The following CEP126 variants were observed in gnomAD, a reference collection of about 807,000 sequenced individuals.
CEP126 encodes the protein centrosomal protein of 126 kDa.
CEP126 carries 74 observed loss-of-function variants against 107.8 expected under a neutral mutation model. The observed-to-expected ratio is 0.69, with a 90% CI of 0.57 to 0.83. The LOEUF is 0.83. Among genes scored for constraint, CEP126 ranks in the 40% least tolerant of loss-of-function variants. The pLI is 0.00. For missense variants in CEP126, 1,237 were observed against 1,281.9 expected (o/e 0.96, Z 0.53); for synonymous variants, 449 against 446.0 (o/e 1.01, Z -0.08).
Position 101,962,166 on chromosome 11 carries a change from T to G in CEP126, c.1131T>G (p.Phe377Leu). Residue 377 changes from phenylalanine (F) to leucine (L), a missense_variant, in exon 6 of 11, where the codon TTT (phenylalanine) becomes TTG (leucine). Coordinates refer to ENST00000263468, the MANE Select transcript of CEP126 (RefSeq NM_020802.4). ...CCTTTGTATCTAGCCCACCCATGTT[T>G]GTACTAGATAAAAAATGTGAAAAGA... Reference protein sequence around the residue: ...SVPFVSSPPMFVLDKKCEKTS... With the variant: ...SVPFVSSPPMLVLDKKCEKTS... 1 of 1,613,764 alleles carries G rather than the reference T, an allele frequency of 6.2e-7. No homozygotes were observed. Among genetic ancestry groups the G allele is most frequent in the Non-Finnish European group, 8.5e-7 (1 of 1,179,822 alleles).
intron 4 of CEP126, 141 bp from the exon 5 acceptor site, chr11:101,958,027 T>G: frequency 1.4e-6 from 1 of 716,924 alleles, no homozygotes; most frequent in Non-Finnish European, 2.3e-6. Context: ...TTCTAACATG[T>G]CTATATATTT....
At chr11:101,966,540 C>T (rs1473802125) in intron 6 of CEP126, among the ~76,000 whole-genome samples, 2 of 152,162 alleles carry the variant, frequency 1.3e-5, no homozygotes, top group Non-Finnish European at 2.9e-5. Context: ...CTGATGTCTC[C>T]AGTTATTTCC....
chr11:101,916,057 AGAG>A (rs1351976256), intron 1 of CEP126: 3 of 152,270 alleles, frequency 2.0e-5, no homozygotes, highest in Non-Finnish European at 4.4e-5. Context: ...GAAAATGGAA[AGAG>A]GAGAAGTATT....
intron 6 of CEP126, among the ~76,000 whole-genome samples, chr11:101,972,223 G>A (rs1309523648): frequency 2.0e-5 from 3 of 151,270 alleles, no homozygotes; most frequent in Non-Finnish European, 4.4e-5. Context: ...TCAGGAGATC[G>A]AGACCATCCT....
intron 2 of CEP126, among the ~76,000 whole-genome samples, chr11:101,927,417 A>T (rs1409551566): frequency 1.3e-5 from 2 of 152,238 alleles, no homozygotes; most frequent in African/African-American, 2.4e-5. Context: ...CCTTTTACCC[A>T]GTTTCCCCCA....
At chr11:101,971,651 A>G (rs985336475) in intron 6 of CEP126, among the ~76,000 whole-genome samples, 11 of 152,132 alleles carry the variant, frequency 7.2e-5, no homozygotes, top group Non-Finnish European at 1.6e-4. Context: ...CAGCCTCCCA[A>G]GAAGCTGCGG....
chr11:101,946,511 A>C (rs946635631), intron 3 of CEP126, among the ~76,000 whole-genome samples: 1 of 152,054 alleles, frequency 6.6e-6, no homozygotes, highest in Non-Finnish European at 1.5e-5. Context: ...TTATCTCAAA[A>C]AAATAAATAA....
At chr11:101,945,225 T>C (rs1403295398) in intron 3 of CEP126, among the ~76,000 whole-genome samples, 1 of 152,138 alleles carries the variant, frequency 6.6e-6, no homozygotes, top group African/African-American at 2.4e-5. Context: ...CTTGGAAAAA[T>C]GACTTAAGTC....
chr11:101,922,869 G>A, intron 2 of CEP126, 109 bp downstream of exon 2: 1 of 814,906 alleles, frequency 1.2e-6, no homozygotes, highest in South Asian at 1.8e-5. Flanking sequence ...AGTGTTATCT[G>A]TGAAACATTG....
At chr11:101,953,416 C>A (rs1940839524) in intron 4 of CEP126, among the ~76,000 whole-genome samples, 1 of 152,022 alleles carries the variant, frequency 6.6e-6, no homozygotes, top group African/African-American at 2.4e-5. Flanking sequence ...ACCCTTTACT[C>A]ACACACTAAT....
At chr11:101,977,630 C>CAAAAAA (rs952859970) in intron 6 of CEP126, among the ~76,000 whole-genome samples, 19 of 52,320 alleles carry the variant, frequency 3.6e-4, no homozygotes, top group East Asian at 5.8e-4. Context: ...GACTCTGTCT[C>CAAAAAA]AAAAAAAAAA....
At position 101,991,203 on chromosome 11, in the gene CEP126, G is replaced by A. The variant is rs139447374; in HGVS notation, c.3245-1575G>A. Reference sequence around the variant, plus strand: ...AAATAAATAAATAAATAAACAAACAGCTCAAATTCCCTACTAAGTTTTTAA... The same window carrying A: ...AAATAAATAAATAAATAAACAAACAACTCAAATTCCCTACTAAGTTTTTAA... On this transcript the variant is annotated intron_variant, in intron 9 of 10. Transcript: ENST00000263468. Among the ~76,000 whole-genome samples, 404 of 151,864 alleles carry A rather than the reference G, an allele frequency of 2.7e-3. 2 individuals carry two copies. The highest frequency in any genetic ancestry group is 9.3e-3 in the African/African-American group (387 of 41,440).
intron 9 of CEP126, among the ~76,000 whole-genome samples, chr11:101,991,891 A>G (rs978881460): frequency 3.9e-5 from 6 of 152,192 alleles, no homozygotes; most frequent in Non-Finnish European, 7.3e-5. Context: ...CCTAAACAAT[A>G]TTATTTTGCA....
chr11:101,959,644 G>C lies in CEP126; in HGVS notation c.705+1278G>C, dbSNP rs554051065. 2.0e-5 allele frequency among the ~76,000 whole-genome samples: 3 copies of C among 152,160 alleles called. No individual in the cohort carries two copies. In the East Asian group the frequency reaches 5.8e-4, roughly 29 times the overall value. ...GAATTAACCAACAAGGAATTTTAAC[G>C]TATTTTTACAAATATTTTCAAGGAA... On this transcript the variant is annotated intron_variant, in intron 5 of 10. Transcript: ENST00000263468.
chr11:101,918,703 G>C (rs972566707), intron 1 of CEP126, among the ~76,000 whole-genome samples: 4 of 152,198 alleles, frequency 2.6e-5, no homozygotes, highest in Non-Finnish European at 5.9e-5. Flanking sequence ...GAATAATTCA[G>C]GAGGTTTTTA....
At position 101,915,216 on chromosome 11, in the gene CEP126, G is replaced by T. The variant is rs2137071726; in HGVS notation, c.-69G>T. ...AGTGTAGGGAGGGGCCGAGCAGGAG[G>T]AGGAGGAAGCCGGAGCTGCCATGAG... On this transcript the variant is annotated 5_prime_UTR_variant, in exon 1 of 11. Transcript: ENST00000263468. 1 of 1,598,068 alleles carries T rather than the reference G, an allele frequency of 6.3e-7. No individual in the cohort carries two copies. Among genetic ancestry groups the T allele is most frequent in the Non-Finnish European group, 8.5e-7 (1 of 1,171,684 alleles).
chr11:101,963,377 C>T lies in CEP126; in HGVS notation c.2342C>T (p.Pro781Leu). 1 of 1,614,102 alleles carries T rather than the reference C, an allele frequency of 6.2e-7. No individual in the cohort carries two copies. The highest frequency in any genetic ancestry group is 8.5e-7 in the Non-Finnish European group (1 of 1,179,998). The stretch of plus-strand genomic sequence containing the variant: ...AACAGAAAAGGCGCTGTCATTCAAC[C>T]ACAGTCTGCAAGCAAAGTCAACATA... ...CTNRKGAVIQ[P>L]QSASKVNIFT... The change falls in exon 6 of 11, where the codon CCA (proline) becomes CTA (leucine). Residue 781 changes from proline to leucine, a missense_variant. Physicochemically the swap from Pro to Leu is moderately conservative, Grantham distance 98 (BLOSUM62 -3). Around this residue, in one of 3 missense-constraint regions of CEP126, gnomAD observed 1,134 missense variants for 1,150.5 expected, o/e 0.99. Coordinates refer to ENST00000263468, the MANE Select transcript of CEP126 (RefSeq NM_020802.4).
intron 2 of CEP126, among the ~76,000 whole-genome samples, chr11:101,941,758 C>A (rs1222422027): frequency 6.6e-6 from 1 of 152,116 alleles, no homozygotes; most frequent in Non-Finnish European, 1.5e-5. Context: ...TTTCCACCAG[C>A]AATGCATAAG....
intron 8 of CEP126, among the ~76,000 whole-genome samples, chr11:101,984,274 A>G (rs949330447): frequency 6.6e-6 from 1 of 152,210 alleles, no homozygotes; most frequent in Admixed American, 6.5e-5. Context: ...CAGGGACTAA[A>G]GACACAATTG....
Sources: gnomAD v4.1 joint callset for allele counts (sites outside exome capture counted in the v4.1 genomes callset) on GRCh38, gnomAD v4.1.1 for gene constraint, gnomAD v4.1.1 regional missense constraint, MANE v1.5 for transcripts, NCBI Gene and HGNC (gene_info 2026-07-23, HGNC 2026-07-21) for gene names.